Variants in HTR1F observed in about 807,000 individuals in gnomAD.
HTR1F encodes 5-hydroxytryptamine receptor 1F.
HTR1F carries 17 observed loss-of-function variants against 24.0 expected under a neutral mutation model. The observed-to-expected ratio is 0.71, with a 90% CI of 0.48 to 1.06. HTR1F has a LOEUF of 1.06. HTR1F is among the 50% of genes least tolerant of loss of function. The pLI is 0.00. For synonymous variants in HTR1F, 186 were observed against 156.8 expected (o/e 1.19, Z -1.39); for missense variants, 391 against 427.8 (o/e 0.91, Z 0.76).
rs554211312 is a variant in HTR1F, at chr3:87,848,557, T to C, written c.-43+26433T>C. 4.9e-4 allele frequency among the ~76,000 whole-genome samples: 74 copies of C among 151,996 alleles called. 1 individual carries two copies. The highest frequency in any genetic ancestry group is 1.7e-3 in the African/African-American group (71 of 41,304). ...TTGAAATAATATATATAGGATGCAT[T>C]TTCTTTATATAAATGTTAGGTACAA... On this transcript the variant is annotated intron_variant, in intron 2 of 2. Coordinates refer to ENST00000319595, the MANE Select transcript of HTR1F (RefSeq NM_001322209.2).
At chr3:87,888,022 A>G (rs1269340285) in intron 2 of HTR1F, among the ~76,000 whole-genome samples, 2 of 152,350 alleles carry the variant, frequency 1.3e-5, no homozygotes, top group Non-Finnish European at 1.5e-5. Context: ...GCACACATGT[A>G]TGTTTACTGT....
intron 2 of HTR1F, among the ~76,000 whole-genome samples, chr3:87,930,539 A>G (rs574784758): frequency 3.3e-5 from 5 of 152,290 alleles, no homozygotes; most frequent in African/African-American, 1.2e-4. Context: ...CTACTGAGAG[A>G]CAATCATATG....
chr3:87,850,095 A>G (rs560721744), intron 2 of HTR1F, among the ~76,000 whole-genome samples: 7 of 152,138 alleles, frequency 4.6e-5, no homozygotes, highest in African/African-American at 1.7e-4. Context: ...TGACCCAGCC[A>G]TCCCATTACT....
chr3:87,922,145 C>A (rs912250771), intron 2 of HTR1F, among the ~76,000 whole-genome samples: 3 of 151,966 alleles, frequency 2.0e-5, no homozygotes, highest in Non-Finnish European at 4.4e-5. Flanking sequence ...TTTCTACCTG[C>A]AATGTATAAG....
intron 2 of HTR1F, among the ~76,000 whole-genome samples, chr3:87,868,263 C>T (rs1307051637): frequency 6.6e-6 from 1 of 151,986 alleles, no homozygotes; most frequent in Non-Finnish European, 1.5e-5. Context: ...AAATCAATGA[C>T]TGTCACTCAG....
chr3:87,955,647 T>A (rs1389821402), intron 2 of HTR1F, among the ~76,000 whole-genome samples: 1 of 151,552 alleles, frequency 6.6e-6, no homozygotes, highest in Non-Finnish European at 1.5e-5. Context: ...TTGTACCATT[T>A]TATATTACTA....
At chr3:87,801,608 TC>T (rs1703990997) in intron 1 of HTR1F, among the ~76,000 whole-genome samples, 1 of 152,100 alleles carries the variant, frequency 6.6e-6, no homozygotes, top group Non-Finnish European at 1.5e-5. Context: ...GGAGGGAGCT[TC>T]CAGATCACAG....
intron 1 of HTR1F, among the ~76,000 whole-genome samples, chr3:87,804,954 T>G (rs1704049938): frequency 6.6e-6 from 1 of 152,270 alleles, no homozygotes; most frequent in Non-Finnish European, 1.5e-5. Context: ...AATTCATATT[T>G]ATATATCAAG....
chr3:87,846,171 G>A (rs530082512), intron 2 of HTR1F, among the ~76,000 whole-genome samples: 5 of 151,972 alleles, frequency 3.3e-5, no homozygotes, highest in Non-Finnish European at 7.3e-5. Flanking sequence ...GGTGGCTCAC[G>A]CCTGTAATCC....
chr3:87,796,641 T>C (rs1036683977), intron 1 of HTR1F, among the ~76,000 whole-genome samples: 1 of 152,128 alleles, frequency 6.6e-6, no homozygotes, highest in Non-Finnish European at 1.5e-5. Flanking sequence ...GGGTGTGATA[T>C]TATGGAAGCC....
chr3:87,818,547 T>C (rs1339683860), intron 1 of HTR1F, among the ~76,000 whole-genome samples: 2 of 152,140 alleles, frequency 1.3e-5, no homozygotes, highest in Non-Finnish European at 2.9e-5. Context: ...GTGCACTTGA[T>C]CCACAAGAGA....
chr3:87,976,155 T>C (rs1576111037), intron 2 of HTR1F, among the ~76,000 whole-genome samples: 1 of 152,110 alleles, frequency 6.6e-6, no homozygotes, highest in East Asian at 1.9e-4. Context: ...AAAAAGAGAA[T>C]GAATACTTTT....
rs551168752 is a variant in HTR1F at position 87,812,436 on chromosome 3, C to T, written c.-159-9572C>T. 1.3e-3 allele frequency among the ~76,000 whole-genome samples: 4 copies of T among 2,984 alleles called. No homozygotes were observed. In the East Asian group the frequency reaches 0.33, roughly 249 times the overall value. The allele number at this position is 2,984 out of a possible 152,430, so 2.0% of individuals were successfully genotyped here. On this transcript the variant is annotated intron_variant, in intron 1 of 2. Transcript: ENST00000319595. ...AGACTAGTGGAATTTTGCCCCTGCC[C>T]TAGGGAATCTGTGGAACTTTGAATT...
chr3:87,884,957 C>G (rs994262826), intron 2 of HTR1F, among the ~76,000 whole-genome samples: 8 of 152,212 alleles, frequency 5.3e-5, no homozygotes, highest in Middle Eastern at 3.4e-3. Context: ...ACAAGGATAT[C>G]CAGGACTTGA....
At chr3:87,981,905 G>A (rs1576119253) in intron 2 of HTR1F, among the ~76,000 whole-genome samples, 1 of 151,632 alleles carries the variant, frequency 6.6e-6, no homozygotes, top group African/African-American at 2.4e-5. Context: ...GTGCGTATAT[G>A]TAAATTCCAT....
Position 87,919,131 on chromosome 3 carries a change from C to A in HTR1F, c.-42-71577C>A, listed in dbSNP as rs563090800. ...AAAAACATAAAGTGGAGAAAGGACACCCTTTTCAAAAAATGATGCTGGGAT... is the reference window on the plus strand; with the variant it reads ...AAAAACATAAAGTGGAGAAAGGACAACCTTTTCAAAAAATGATGCTGGGAT... On this transcript the variant is annotated intron_variant, in intron 2 of 2. Coordinates refer to ENST00000319595, the MANE Select transcript of HTR1F (RefSeq NM_001322209.2). 3.3e-5 allele frequency among the ~76,000 whole-genome samples: 5 copies of A among 152,060 alleles called. No individual in the cohort carries two copies. The East Asian group carries it at 5.8e-4, about 18-fold the overall frequency.
intron 1 of HTR1F, among the ~76,000 whole-genome samples, chr3:87,806,899 T>C (rs867920758): frequency 2.6e-5 from 4 of 151,958 alleles, no homozygotes; most frequent in African/African-American, 9.7e-5. Flanking sequence ...GACTCCCCAA[T>C]GTATGTTCTT....
chr3:87,848,149 C>T (rs1303493450), intron 2 of HTR1F, among the ~76,000 whole-genome samples: 1 of 151,756 alleles, frequency 6.6e-6, no homozygotes, highest in Non-Finnish European at 1.5e-5. Context: ...GTATGAGTTC[C>T]CTTTTCAGCA....
At chr3:87,937,649 C>A (rs549033735) in intron 2 of HTR1F, among the ~76,000 whole-genome samples, 3 of 151,960 alleles carry the variant, frequency 2.0e-5, no homozygotes, top group African/African-American at 7.2e-5. Flanking sequence ...TAGGGCCAGG[C>A]GCAGTGGCTC....
Sources: gnomAD v4.1 joint callset for allele counts (sites outside exome capture counted in the v4.1 genomes callset) on GRCh38, gnomAD v4.1.1 for gene constraint, MANE v1.5 for transcripts, NCBI Gene and HGNC (gene_info 2026-07-23, HGNC 2026-07-21) for gene names.